The following NRG1 variants were observed in gnomAD, a reference collection of about 807,000 sequenced individuals.
NRG1 encodes pro-neuregulin-1, membrane-bound isoform.
In NRG1, 18 loss-of-function variants were observed where a neutral mutation model predicts 63.8. The observed-to-expected ratio is 0.28, with a 90% CI of 0.19 to 0.42. The LOEUF (loss-of-function observed/expected upper bound fraction) is 0.42, where lower values mean the gene tolerates loss of function less well. Among genes scored for constraint, NRG1 ranks in the 10% least tolerant of loss-of-function variants. The probability of loss-of-function intolerance (pLI) is 1.00; values close to 1 mark genes in which losing one functional copy is unlikely to be tolerated. For missense variants in NRG1, 762 were observed against 814.7 expected (o/e 0.94, Z 0.79); for synonymous variants, 302 against 301.3 (o/e 1.00, Z -0.02).
At chr8:32,013,197 A>G (rs1232790940) in intron 1 of NRG1, among the ~76,000 whole-genome samples, 1 of 152,072 alleles carries the variant, frequency 6.6e-6, no homozygotes, top group Non-Finnish European at 1.5e-5. Context: ...GTTCTGAGGA[A>G]TGTGAGAGGA....
intron 1 of NRG1, among the ~76,000 whole-genome samples, chr8:31,742,454 A>ATTTTTTTTTTTT (rs1563349398): frequency 9.2e-5 from 4 of 43,252 alleles, no homozygotes; most frequent in African/African-American, 3.3e-4. Flanking sequence ...CTTTTTTAAG[A>ATTTTTTTTTTTT]ATTTTTTTTT....
At position 32,363,665 on chromosome 8, in the gene NRG1, T is replaced by C. The variant is rs144995742; in HGVS notation, c.38-232163T>C. Among the ~76,000 whole-genome samples the C allele has an allele frequency of 1.7e-3, 263 of 152,304 alleles. 2 individuals carry two copies. Among genetic ancestry groups the C allele is most frequent in the African/African-American group, 6.1e-3 (254 of 41,572 alleles). ...CTATCACTCTCTTTATCTCTCTTGG[T>C]ACCTCTCTCTGACTTTCTCTCCCTC... On this transcript the variant is annotated intron_variant, in intron 1 of 10. Coordinates refer to the NRG1 transcript ENST00000519301.
chr8:32,340,816 C>A (rs191616645), intron 1 of NRG1, among the ~76,000 whole-genome samples: 2 of 152,314 alleles, frequency 1.3e-5, no homozygotes, highest in East Asian at 3.9e-4. Context: ...CAAATGATAG[C>A]CAATGGGCCA....
chr8:32,066,950 A>G (rs1355188742), intron 1 of NRG1, among the ~76,000 whole-genome samples: 1 of 152,084 alleles, frequency 6.6e-6, no homozygotes, highest in Admixed American at 6.6e-5. Context: ...CTTTGAAGCA[A>G]TTGTGAATGG....
intron 1 of NRG1, among the ~76,000 whole-genome samples, chr8:32,100,963 G>A (rs771468532): frequency 6.6e-6 from 1 of 152,008 alleles, no homozygotes; most frequent in Non-Finnish European, 1.5e-5. Flanking sequence ...CATATTTTAG[G>A]GACATAATAA....
chr8:32,346,016 TAAC>T (rs998315962), intron 1 of NRG1, among the ~76,000 whole-genome samples: 5 of 149,398 alleles, frequency 3.3e-5, no homozygotes, highest in African/African-American at 1.2e-4. Context: ...TCAAAAATAA[TAAC>T]AATAAATGTA....
chr8:32,430,612 G>A (rs1193059090), intron 1 of NRG1, among the ~76,000 whole-genome samples: 2 of 152,066 alleles, frequency 1.3e-5, no homozygotes, highest in South Asian at 4.1e-4. Flanking sequence ...ATTGTGTTAC[G>A]TTCAACACTG....
intron 5 of NRG1, among the ~76,000 whole-genome samples, chr8:32,652,023 T>G (rs1411052597): frequency 6.6e-6 from 1 of 152,142 alleles, no homozygotes; most frequent in African/African-American, 2.4e-5. Flanking sequence ...TATTAAAATA[T>G]ACTAAACTCT....
chr8:31,724,399 G>A (rs1813222305), intron 1 of NRG1, among the ~76,000 whole-genome samples: 1 of 152,092 alleles, frequency 6.6e-6, no homozygotes, highest in Non-Finnish European at 1.5e-5. Flanking sequence ...TGTGTTCAGT[G>A]TTCTTTTCCA....
At chr8:32,324,874 C>T (rs1426744672) in intron 1 of NRG1, among the ~76,000 whole-genome samples, 1 of 152,182 alleles carries the variant, frequency 6.6e-6, no homozygotes, top group Non-Finnish European at 1.5e-5. Flanking sequence ...CTCTTTCAAG[C>T]TGTAAGCCCT....
chr8:32,189,718 CGTTAAG>C (rs1842303648), intron 1 of NRG1, among the ~76,000 whole-genome samples: 1 of 152,122 alleles, frequency 6.6e-6, no homozygotes, highest in Non-Finnish European at 1.5e-5. Context: ...GGCCCCATAT[CGTTAAG>C]GCTTACTGCT....
intron 1 of NRG1, among the ~76,000 whole-genome samples, chr8:31,855,070 G>C (rs1827704023): frequency 6.6e-6 from 1 of 152,010 alleles, no homozygotes; most frequent in Non-Finnish European, 1.5e-5. Context: ...GTGTGGTGCT[G>C]AAAAAAATGT....
chr8:31,866,514 G>A (rs536270418), intron 1 of NRG1, among the ~76,000 whole-genome samples: 11 of 152,258 alleles, frequency 7.2e-5, no homozygotes, highest in African/African-American at 2.6e-4. Flanking sequence ...CAAGGAAAGA[G>A]AAACAGAGAC....
chr8:32,120,538 T>C (rs1043082749), intron 1 of NRG1, among the ~76,000 whole-genome samples: 4 of 152,094 alleles, frequency 2.6e-5, no homozygotes, highest in African/African-American at 9.7e-5. Context: ...CTTTTAGTCA[T>C]TTTTGCTGGA....
At chr8:32,404,103 C>T (rs1813608801) in intron 1 of NRG1, among the ~76,000 whole-genome samples, 1 of 152,210 alleles carries the variant, frequency 6.6e-6, no homozygotes, top group Non-Finnish European at 1.5e-5. Context: ...GTCCTGGTCA[C>T]CTAGGTGCCT....
At chr8:31,718,944 T>C (rs1202564771) in intron 1 of NRG1, among the ~76,000 whole-genome samples, 1 of 152,198 alleles carries the variant, frequency 6.6e-6, no homozygotes, top group East Asian at 1.9e-4. Context: ...TGTATGTATA[T>C]GTGTATGTAT....
chr8:31,775,017 T>C (rs976553085), intron 1 of NRG1, among the ~76,000 whole-genome samples: 1 of 152,172 alleles, frequency 6.6e-6, no homozygotes, highest in Admixed American at 6.5e-5. Flanking sequence ...ACAACCCCTA[T>C]GGAAAACAGT....
chr8:32,585,450 C>CT (rs1460031935), intron 1 of NRG1, among the ~76,000 whole-genome samples: 6 of 152,106 alleles, frequency 3.9e-5, no homozygotes, highest in Non-Finnish European at 8.8e-5. Context: ...AGCTGCTGGC[C>CT]GCGGCGCAGT....
At chr8:31,726,451 C>G (rs1367380132) in intron 1 of NRG1, among the ~76,000 whole-genome samples, 1 of 151,958 alleles carries the variant, frequency 6.6e-6, no homozygotes, top group Non-Finnish European at 1.5e-5. Flanking sequence ...TGGCATGTAA[C>G]TTAAGAAACT....
Sources: gnomAD v4.1 joint callset for allele counts (sites outside exome capture counted in the v4.1 genomes callset) on GRCh38, gnomAD v4.1.1 for gene constraint, MANE v1.5 for transcripts, NCBI Gene and HGNC (gene_info 2026-07-23, HGNC 2026-07-21) for gene names.